The following KIF4A variants were observed in gnomAD, a reference collection of about 807,000 sequenced individuals.
KIF4A encodes kinesin family member 4A, also known as chromosome-associated kinesin KIF4A.
In KIF4A, 7 loss-of-function variants were observed where a neutral mutation model predicts 105.9. That is an observed-to-expected ratio of 0.07 (90% CI 0.04 to 0.12). The LOEUF is 0.12. KIF4A is among the 10% of genes least tolerant of loss of function. The pLI is 1.00. For missense variants in KIF4A, 558 were observed against 929.2 expected, an observed-to-expected ratio of 0.60 and a Z score of 5.19; for synonymous variants, 281 against 331.3, an observed-to-expected ratio of 0.85 and a Z score of 1.65.
At chrX:70,352,722 C>T (rs2086036180) in intron 14 of KIF4A, 66 bp downstream of exon 14, 26 of 749,232 alleles carry the variant, frequency 3.5e-5, no homozygotes, top group Non-Finnish European at 5.3e-5. Flanking sequence ...ATTTATCACT[C>T]AACTGAAAAA....
At chrX:70,290,382 C>A (rs1429025930) in intron 1 of KIF4A, 56 bp from the exon 2 acceptor site, 1 of 1,155,805 alleles carries the variant, frequency 8.7e-7, no homozygotes, top group East Asian at 3.0e-5. Flanking sequence ...GGACGCCCTC[C>A]CACCCCTGCT....
intron 13 of KIF4A, among the ~76,000 whole-genome samples, chrX:70,351,583 A>C (rs1410218661): frequency 9.0e-6 from 1 of 111,532 alleles, no homozygotes; most frequent in Non-Finnish European, 1.9e-5. Flanking sequence ...TATGGTATAC[A>C]CACACCACAT....
At chrX:70,308,175 A>G (rs2085834952) in intron 7 of KIF4A, among the ~76,000 whole-genome samples, 1 of 111,933 alleles carries the variant, frequency 8.9e-6, no homozygotes, top group African/African-American at 3.2e-5. Flanking sequence ...TGGATACCTC[A>G]TTTCCCAGAC....
intron 15 of KIF4A, among the ~76,000 whole-genome samples, chrX:70,365,756 A>C (rs1331953033): frequency 1.8e-5 from 2 of 111,842 alleles, no homozygotes; most frequent in African/African-American, 6.5e-5. Flanking sequence ...TGCTGGCCTC[A>C]TAAAATGAGA....
Position 70,353,659 on chromosome X carries a change from A to T in KIF4A, c.1526A>T (p.Asp509Val), listed in dbSNP as rs149564235. The T allele has an allele frequency of 8.3e-7, 1 of 1,210,964 alleles. No individual in the cohort carries two copies. Among genetic ancestry groups the T allele is most frequent in the Non-Finnish European group, 1.1e-6 (1 of 895,292 alleles). ...ETSPETSRSS[D>V]AFTTQHALRQ... ...AGTCCAGAGACGAGCAGGTCTTCTG[A>T]CGCTTTTACCACTCAGCATGCTCTC... The change falls in exon 15 of 31, where the codon GAC becomes GTC. Residue 509 changes from aspartate to valine, a missense_variant. Transcript: ENST00000374403.
At chrX:70,417,396 C>T (rs139286575) in intron 28 of KIF4A, among the ~76,000 whole-genome samples, 1 of 111,865 alleles carries the variant, frequency 8.9e-6, no homozygotes, top group African/African-American at 3.3e-5. Context: ...CCTGTAATCC[C>T]AGCACTTTGA....
intron 15 of KIF4A, among the ~76,000 whole-genome samples, chrX:70,360,837 A>C (rs141957487): frequency 0.019 from 2,096 of 112,440 alleles, 21 homozygotes; most frequent in Non-Finnish European, 0.029. Flanking sequence ...AGGCTTTCCA[A>C]ATTTCACGAG....
intron 9 of KIF4A, among the ~76,000 whole-genome samples, chrX:70,331,981 T>A (rs1165098740): frequency 1.8e-5 from 2 of 111,914 alleles, no homozygotes. Context: ...GATAAAGGAA[T>A]GACACCCAGA....
chrX:70,378,137 A>G (rs2086182257), intron 18 of KIF4A, among the ~76,000 whole-genome samples: 1 of 112,017 alleles, frequency 8.9e-6, no homozygotes, highest in African/African-American at 3.2e-5. Context: ...ACAACATACC[A>G]AAACTTATGA....
intron 7 of KIF4A, among the ~76,000 whole-genome samples, chrX:70,312,666 A>AT (rs1471757339): frequency 8.9e-6 from 1 of 111,754 alleles, no homozygotes; most frequent in African/African-American, 3.2e-5. Flanking sequence ...TTCAAGATCA[A>AT]TTTTTTTCTT....
chrX:70,367,425 A>C (rs1265646769), intron 15 of KIF4A, among the ~76,000 whole-genome samples: 2 of 110,920 alleles, frequency 1.8e-5, no homozygotes, highest in African/African-American at 6.6e-5. Context: ...TTCCTTCAGG[A>C]GCTCTTTTAG....
At chrX:70,417,601 C>T (rs2086349734) in intron 28 of KIF4A, among the ~76,000 whole-genome samples, 1 of 111,565 alleles carries the variant, frequency 9.0e-6, no homozygotes, top group Non-Finnish European at 1.9e-5. Flanking sequence ...GAGCGGAGAT[C>T]GTGCCACTGC....
At chrX:70,293,165 T>C (rs1334126224) in intron 3 of KIF4A, among the ~76,000 whole-genome samples, 1 of 112,696 alleles carries the variant, frequency 8.9e-6, no homozygotes, top group Non-Finnish European at 1.9e-5. Context: ...CATCTTCTTA[T>C]GATCCTTCAT....
chrX:70,323,354 A>G (rs1206913403), intron 7 of KIF4A, among the ~76,000 whole-genome samples: 3 of 111,177 alleles, frequency 2.7e-5, no homozygotes, highest in Non-Finnish European at 5.7e-5. Context: ...CAGCAAGCCA[A>G]TCAAAGGCAA....
chrX:70,387,114 T>A (rs2039638928), intron 19 of KIF4A, 70 bp from the exon 20 acceptor site: 1 of 732,452 alleles, frequency 1.4e-6, no homozygotes, highest in South Asian at 2.5e-5. Context: ...TTATCTTTAC[T>A]AATGTGCTAG....
chrX:70,321,647 A>G (rs934377752), intron 7 of KIF4A, among the ~76,000 whole-genome samples: 21 of 111,558 alleles, frequency 1.9e-4, no homozygotes, highest in African/African-American at 6.8e-4. Flanking sequence ...TCTCCCTCTC[A>G]ACTGACTTTC....
chrX:70,299,623 T>C (rs768387877), intron 5 of KIF4A, among the ~76,000 whole-genome samples: 35 of 111,397 alleles, frequency 3.1e-4, no homozygotes, highest in Non-Finnish European at 5.8e-4. Context: ...GTAACCATGT[T>C]TGAGAGCACA....
chrX:70,297,191 A>G lies in KIF4A; in HGVS notation c.426+3A>G. ...CTCTGAAAGTGTCTTACTTAGAGGT[A>G]AGCAATTTATGTTTAATTATTCTGA... On this transcript the variant is annotated splice_donor_region_variant and intron_variant, in intron 4 of 30. Coordinates refer to ENST00000374403, the MANE Select transcript of KIF4A (RefSeq NM_012310.5). 1.7e-6 allele frequency: 2 copies of G among 1,186,262 alleles called. No homozygotes were observed. Among genetic ancestry groups the G allele is most frequent in the Non-Finnish European group, 1.1e-6 (1 of 877,577 alleles).
At chrX:70,362,553 A>G in intron 15 of KIF4A, among the ~76,000 whole-genome samples, 1 of 111,978 alleles carries the variant, frequency 8.9e-6, no homozygotes, top group Non-Finnish European at 1.9e-5. Context: ...TTTTTTTGAG[A>G]CAGAGTCTTG....
Sources: allele counts gnomAD v4.1 joint callset (sites outside exome capture counted in the v4.1 genomes callset), GRCh38; gene constraint gnomAD v4.1.1; transcripts MANE v1.5; gene names NCBI Gene and HGNC (gene_info 2026-07-23, HGNC 2026-07-21).